Variants in KIF9 observed in about 807,000 individuals in gnomAD.
The protein encoded by KIF9 is kinesin family member 9.
In KIF9, 68 loss-of-function variants were observed where a neutral mutation model predicts 94.8. The observed-to-expected ratio is 0.72, with a 90% CI of 0.59 to 0.88. The LOEUF is 0.88. Ranked by LOEUF, KIF9 falls within the 40% of genes least tolerant of loss-of-function variation. The probability of loss-of-function intolerance (pLI) is 0.00; values close to 1 mark genes in which losing one functional copy is unlikely to be tolerated. For missense variants in KIF9, 882 were observed against 982.5 expected (o/e 0.90, Z 1.37); for synonymous variants, 343 against 362.1 (o/e 0.95, Z 0.60).
chr3:47,255,739 C>A (rs2107328050), intron 10 of KIF9, among the ~76,000 whole-genome samples: 1 of 144,422 alleles, frequency 6.9e-6, no homozygotes, highest in African/African-American at 2.7e-5. Context: ...CTCCCTCTCC[C>A]TCTCCCCACG....
At chr3:47,263,807 A>G (rs534461592) in intron 9 of KIF9, 31 of 455,842 alleles carry the variant, frequency 6.8e-5, no homozygotes, top group South Asian at 3.9e-4. Flanking sequence ...TTTAAGACTA[A>G]TTTCTACCAG....
At chr3:47,269,749 C>T (rs1031137332) in intron 5 of KIF9, among the ~76,000 whole-genome samples, 14 of 150,774 alleles carry the variant, frequency 9.3e-5, no homozygotes, top group Non-Finnish European at 3.0e-5. Flanking sequence ...TTACAGGTGC[C>T]CACCACCACT....
chr3:47,228,777 C>G, intron 20 of KIF9, 75 bp from the exon 21 acceptor site: 1 of 1,122,336 alleles, frequency 8.9e-7, no homozygotes. Context: ...CCAGGCCACT[C>G]ACATTCACCC....
At chr3:47,272,802 A>G (rs1442689791) in intron 4 of KIF9, among the ~76,000 whole-genome samples, 1 of 152,240 alleles carries the variant, frequency 6.6e-6, no homozygotes, top group Non-Finnish European at 1.5e-5. Flanking sequence ...AGATGCTGAG[A>G]TACTGAAGCT....
At chr3:47,249,123 A>G (rs1700109264) in intron 10 of KIF9, among the ~76,000 whole-genome samples, 1 of 150,904 alleles carries the variant, frequency 6.6e-6, no homozygotes, top group African/African-American at 2.4e-5. Context: ...CCACTCCCCA[A>G]TAATAATCAT....
At chr3:47,246,319 TTAG>T in intron 12 of KIF9, 67 bp from the exon 13 acceptor site, 3 of 1,362,912 alleles carry the variant, frequency 2.2e-6, no homozygotes, top group Non-Finnish European at 3.1e-6. Flanking sequence ...GGCATCTATG[TTAG>T]TAGAGAAATC....
In KIF9 at chr3:47,236,502, C is replaced by CT; in HGVS notation, c.2041dup (p.Arg681LysfsTer3). 1 of 1,613,996 alleles carries CT rather than the reference C, an allele frequency of 6.2e-7. No individual in the cohort carries two copies. The highest frequency in any genetic ancestry group is 8.5e-7 in the Non-Finnish European group (1 of 1,180,038). On this transcript the variant is annotated frameshift_variant, in exon 18 of 21. Transcript: ENST00000684063. LOFTEE classifies it high-confidence loss of function. ...GTGCTGGCAATACTGGATCTCAGCC[C>CT]TGAGGTCACGCAGGTCCTGGTACTC...
intron 5 of KIF9, among the ~76,000 whole-genome samples, chr3:47,268,584 CTT>C (rs560574291): frequency 1.5e-4 from 20 of 137,242 alleles, no homozygotes; most frequent in Admixed American, 2.2e-4. Context: ...TTTTCTTCTT[CTT>C]TTTTTTTTTT....
chr3:47,252,974 C>T (rs879377103), intron 10 of KIF9, among the ~76,000 whole-genome samples: 42 of 151,842 alleles, frequency 2.8e-4, no homozygotes, highest in African/African-American at 7.0e-4. Context: ...CATTGTGCCA[C>T]TGCACTCCAG....
At position 47,280,981 on chromosome 3, in the gene KIF9, C is replaced by T. The variant is rs1021319808; in HGVS notation, c.-6+1514G>A. 3.8e-5 allele frequency: 27 copies of T among 702,932 alleles called. No individual in the cohort carries two copies. In the African/African-American group the frequency reaches 3.8e-4, roughly 10 times the overall value. 43.5% of individuals were successfully genotyped at this position (702,932 alleles called of 1,614,324 possible). ...ATACTGCTTGTTACCATTCTTACGT[C>T]GCTTCATTTGAGTGGGTTTCAGTTC... On this transcript the variant is annotated intron_variant, in intron 1 of 20. Coordinates refer to ENST00000684063, the MANE Select transcript of KIF9 (RefSeq NM_182902.4).
intron 1 of KIF9, among the ~76,000 whole-genome samples, chr3:47,280,078 C>T (rs540109989): frequency 1.3e-5 from 2 of 152,222 alleles, no homozygotes; most frequent in Admixed American, 1.3e-4. Flanking sequence ...TCAACCTCAA[C>T]CTCCAGAGTA....
At chr3:47,234,183 G>A (rs1328197241) in intron 20 of KIF9, among the ~76,000 whole-genome samples, 1 of 151,920 alleles carries the variant, frequency 6.6e-6, no homozygotes, top group Non-Finnish European at 1.5e-5. Context: ...TGAAACAAGT[G>A]ACAGGGGTGC....
intron 12 of KIF9, 146 bp from the exon 13 acceptor site, chr3:47,246,398 G>A (rs1699928284): frequency 2.1e-6 from 1 of 470,496 alleles, no homozygotes; most frequent in Middle Eastern, 4.5e-4. Context: ...CAGCCTCTCA[G>A]CGAAGTGGCA....
At position 47,247,316 on chromosome 3, in the gene KIF9, C is replaced by T. The variant is rs565111330; in HGVS notation, c.1233+57G>A. On this transcript the variant is annotated intron_variant, in intron 12 of 20. Coordinates refer to ENST00000684063, the MANE Select transcript of KIF9 (RefSeq NM_182902.4). ...CCAGCAGAGCATGCGTTGGGGTGTG[C>T]CCAGGACTGGGAGGCCCAGGCTGGC... is the stretch of plus-strand genomic sequence containing the variant. 3.8e-5 allele frequency: 45 copies of T among 1,189,596 alleles called. No homozygotes were observed. The Admixed American group carries it at 6.8e-4, about 18-fold the overall frequency. 73.7% of individuals were successfully genotyped at this position (1,189,596 alleles called of 1,614,324 possible). A position where few individuals can be genotyped will look rare whatever the true frequency, so the allele number is the denominator to read the frequency against.
At chr3:47,244,765 G>A (rs776837560) in intron 15 of KIF9, 26 bp downstream of exon 15, 3 of 1,612,176 alleles carry the variant, frequency 1.9e-6, no homozygotes, top group Admixed American at 1.7e-5. Flanking sequence ...CAGCTGCTGA[G>A]GAGGCAGAGC....
chr3:47,281,839 C>A (rs1446578728), intron 1 of KIF9, among the ~76,000 whole-genome samples: 1 of 152,190 alleles, frequency 6.6e-6, no homozygotes, highest in Non-Finnish European at 1.5e-5. Flanking sequence ...GAAGACTAGA[C>A]AAGAGGAAAG....
chr3:47,276,487 C>T (rs1030831195), intron 2 of KIF9, among the ~76,000 whole-genome samples: 5 of 144,368 alleles, frequency 3.5e-5, no homozygotes, highest in African/African-American at 1.3e-4. Flanking sequence ...ACCTGGGAGG[C>T]GGAGGTTGCA....
intron 20 of KIF9, among the ~76,000 whole-genome samples, chr3:47,234,941 C>T (rs182519585): frequency 5.2e-4 from 79 of 152,298 alleles, no homozygotes; most frequent in Admixed American, 8.5e-4. Context: ...AAAATATTTG[C>T]GAAAGAATGA....
chr3:47,239,597 AT>A (rs1185668693), intron 17 of KIF9: 65 of 1,058,430 alleles, frequency 6.1e-5, no homozygotes, highest in East Asian at 2.9e-4. Context: ...TTGTTATTAT[AT>A]TTTTTTTCCA....
Sources: allele counts gnomAD v4.1 joint callset (sites outside exome capture counted in the v4.1 genomes callset), GRCh38; gene constraint gnomAD v4.1.1; transcripts MANE v1.5; gene names NCBI Gene and HGNC (gene_info 2026-07-23, HGNC 2026-07-21).